The following JAK1 variants were observed in gnomAD, a reference collection of about 807,000 sequenced individuals.
JAK1 encodes Janus kinase 1.
JAK1 carries 16 observed loss-of-function variants against 136.6 expected under a neutral mutation model. The observed-to-expected ratio is 0.12, with a 90% confidence interval of 0.08 to 0.18. JAK1 has a LOEUF of 0.18. JAK1 is among the 10% of genes least tolerant of loss of function. The pLI, the probability that JAK1 is intolerant of heterozygous loss-of-function variation, is 1.00. For synonymous variants in JAK1, 492 were observed against 519.5 expected (o/e 0.95, Z 0.72); for missense variants, 859 against 1,450.1 (o/e 0.59, Z 6.62).
intron 1 of JAK1, among the ~76,000 whole-genome samples, chr1:64,910,937 T>C (rs1317616883): frequency 6.6e-6 from 1 of 151,956 alleles, no homozygotes; most frequent in Non-Finnish European, 1.5e-5. Context: ...TCATTTTTAG[T>C]GTACTTCCAC....
At chr1:64,859,063 T>C (rs1207423954) in intron 9 of JAK1, among the ~76,000 whole-genome samples, 3 of 152,228 alleles carry the variant, frequency 2.0e-5, no homozygotes, top group Admixed American at 6.5e-5. Flanking sequence ...ATTCTTTGTG[T>C]GTCTGTTTCC....
intron 2 of JAK1, among the ~76,000 whole-genome samples, chr1:64,995,390 G>A (rs1291565350): frequency 2.0e-5 from 3 of 152,126 alleles, no homozygotes; most frequent in Non-Finnish European, 4.4e-5. Context: ...AGACGCCACT[G>A]AATGCCCTAA....
At chr1:65,020,157 G>A (rs561765261) in intron 2 of JAK1, among the ~76,000 whole-genome samples, 8 of 148,186 alleles carry the variant, frequency 5.4e-5, no homozygotes, top group South Asian at 4.3e-4. Flanking sequence ...CCCGGGAGGC[G>A]GAGGTTGCAG....
Position 64,833,421 on chromosome 1 carries a change from G to A in JAK1, c.*1141C>T, listed in dbSNP as rs1654253066. 4.3e-6 allele frequency: 1 copy of A among 232,692 alleles called. No individual in the cohort carries two copies. The highest frequency in any genetic ancestry group is 1.8e-4 in the South Asian group (1 of 5,518). 14.4% of individuals were successfully genotyped at this position (232,692 alleles called of 1,614,324 possible). A position where few individuals can be genotyped will look rare whatever the true frequency, so the allele number is the denominator to read the frequency against. On this transcript the variant is annotated 3_prime_UTR_variant, in exon 25 of 25. Transcript: ENST00000342505. ...AACAATATCAAACGAATACTAAACA[G>A]CATAACAAAAAGATTTTCAGACTCT...
At chr1:65,016,269 C>T (rs1281031792) in intron 2 of JAK1, among the ~76,000 whole-genome samples, 5 of 152,078 alleles carry the variant, frequency 3.3e-5, no homozygotes, top group South Asian at 4.1e-4. Flanking sequence ...AAGTAGATAG[C>T]GATGGTAGTT....
chr1:65,041,760 T>G (rs1647136137), intron 2 of JAK1, among the ~76,000 whole-genome samples: 1 of 152,148 alleles, frequency 6.6e-6, no homozygotes, highest in Admixed American at 6.5e-5. Flanking sequence ...ATATCTGGGC[T>G]GGGCACGGTG....
intron 1 of JAK1, among the ~76,000 whole-genome samples, chr1:64,889,710 T>G (rs954072041): frequency 1.3e-5 from 2 of 152,218 alleles, no homozygotes; most frequent in African/African-American, 4.8e-5. Flanking sequence ...TCCAGAAATC[T>G]ATCTGAAAAA....
At chr1:65,054,311 TTTTTA>T (rs370016823) in intron 1 of JAK1, among the ~76,000 whole-genome samples, 6 of 152,274 alleles carry the variant, frequency 3.9e-5, no homozygotes, top group African/African-American at 1.4e-4. Context: ...ACCAGGATAC[TTTTTA>T]AAACTATACT....
intron 2 of JAK1, among the ~76,000 whole-genome samples, chr1:65,030,863 A>G (rs1647016674): frequency 6.6e-6 from 1 of 151,946 alleles, no homozygotes; most frequent in Admixed American, 6.6e-5. Context: ...ATTGCAAAAG[A>G]AAAAACGGTG....
In JAK1 at chr1:64,844,091, G is replaced by A. The variant is rs1242599118; in HGVS notation, c.2376C>T (p.Ile792=). 5 of 1,614,046 alleles carry A rather than the reference G, an allele frequency of 3.1e-6. No homozygotes were observed. The highest frequency in any genetic ancestry group is 4.2e-6 in the Non-Finnish European group (5 of 1,180,032). The part of the protein sequence containing the change: ...TLWEICYNGE[I]PLKDKTLIEK... Reference sequence around the variant, plus strand: ...CAATCAGCGTCTTGTCTTTCAAGGGGATCTCGCCATTGTAGCAGATTTCCC... The same window carrying A: ...CAATCAGCGTCTTGTCTTTCAAGGGAATCTCGCCATTGTAGCAGATTTCCC... Residue 792 remains isoleucine (I), a synonymous_variant, in exon 17 of 25, where the codon ATC becomes ATT. Transcript: ENST00000342505. This position sits in a 1 kb window ranked among gnomAD's most constrained non-coding sequence, Gnocchi z 5.7.
In JAK1 at chr1:65,031,197, G is replaced by A. The variant is rs148348925; in HGVS notation, c.-78+13283C>T. 8.7e-3 allele frequency among the ~76,000 whole-genome samples: 1,302 copies of A among 149,692 alleles called. 8 individuals are homozygous for A. Among genetic ancestry groups the A allele is most frequent in the Middle Eastern group, 0.035 (10 of 286 alleles). On this transcript the variant is annotated intron_variant, in intron 2 of 25. Transcript: ENST00000671954. ...AAAAAGGAAAAATAGTCACTTTACA[G>A]TGGGGAAATATGGTGGATACCGCCT...
intron 2 of JAK1, among the ~76,000 whole-genome samples, chr1:65,011,814 G>A (rs550361060): frequency 5.3e-5 from 8 of 152,310 alleles, no homozygotes; most frequent in African/African-American, 1.9e-4. Context: ...GTAATGAAAA[G>A]TTCTCTTGAT....
At chr1:65,014,811 A>C (rs893767037) in intron 2 of JAK1, among the ~76,000 whole-genome samples, 3 of 151,890 alleles carry the variant, frequency 2.0e-5, no homozygotes, top group African/African-American at 7.3e-5. Flanking sequence ...CAGCCTCCCG[A>C]ATAGCTGGGA....
chr1:64,973,176 A>G (rs1287035871), intron 2 of JAK1: 1 of 144,126 alleles, frequency 6.9e-6, no homozygotes, highest in Non-Finnish European at 1.5e-5. Flanking sequence ...AGAAAAAGAA[A>G]GAAAGAAAGA....
At chr1:64,990,030 A>G (rs1475255182) in intron 2 of JAK1, 1 of 152,250 alleles carries the variant, frequency 6.6e-6, no homozygotes, top group Non-Finnish European at 1.5e-5. Flanking sequence ...ACTGAAGGCC[A>G]GGCGTGGTGG....
chr1:65,011,246 C>A (rs944181305), intron 2 of JAK1, among the ~76,000 whole-genome samples: 1 of 151,954 alleles, frequency 6.6e-6, no homozygotes, highest in Non-Finnish European at 1.5e-5. Context: ...CAGGCCGAGG[C>A]GGGAGGACTG....
At chr1:64,962,399 C>T (rs1475631099) in intron 1 of JAK1, among the ~76,000 whole-genome samples, 3 of 152,128 alleles carry the variant, frequency 2.0e-5, no homozygotes, top group Non-Finnish European at 4.4e-5. Context: ...GGTCTTGCCT[C>T]GGGACTGGGC....
chr1:64,924,263 G>T (rs536223775), intron 1 of JAK1, among the ~76,000 whole-genome samples: 1 of 152,204 alleles, frequency 6.6e-6, no homozygotes, highest in South Asian at 2.1e-4. Context: ...AAAATTAAGG[G>T]TATATCAAAA....
At chr1:64,856,531 T>C (rs1249373301) in intron 10 of JAK1, among the ~76,000 whole-genome samples, 1 of 152,112 alleles carries the variant, frequency 6.6e-6, no homozygotes, top group Non-Finnish European at 1.5e-5. Context: ...TGATGTGACA[T>C]TGTTAGGGAG....
Sources: allele counts gnomAD v4.1 joint callset (sites outside exome capture counted in the v4.1 genomes callset), GRCh38; gene constraint gnomAD v4.1.1; non-coding constraint Gnocchi (gnomAD v3.1); transcripts MANE v1.5; gene names NCBI Gene and HGNC (gene_info 2026-07-23, HGNC 2026-07-21).